Variants in AP5M1 observed in about 807,000 individuals in gnomAD.
AP5M1 encodes adaptor related protein complex 5 subunit mu 1, also known as AP-5 complex subunit mu-1.
AP5M1 carries 44 observed loss-of-function variants against 52.3 expected under a neutral mutation model. That is an observed-to-expected ratio of 0.84 (90% CI 0.66 to 1.08). The LOEUF is 1.08. Ranked by LOEUF, AP5M1 falls within the 50% of genes least tolerant of loss-of-function variation. AP5M1 has a pLI of 0.00. For missense variants in AP5M1, 526 were observed against 568.4 expected, an observed-to-expected ratio of 0.93 and a Z score of 0.76; for synonymous variants, 213 against 199.0, an observed-to-expected ratio of 1.07 and a Z score of -0.59.
At position 57,274,267 on chromosome 14, in the gene AP5M1, G is replaced by T; in HGVS notation, c.98G>T (p.Arg33Leu). Reference sequence around the variant, plus strand: ...AGACGGTATCCAACTGTTGAAAAACGAGCCAGAGTCTTCAATGGAGCAAGT... The same window carrying T: ...AGACGGTATCCAACTGTTGAAAAACTAGCCAGAGTCTTCAATGGAGCAAGT... ...FSRRYPTVEK[R>L]ARVFNGASYV... is the part of the protein sequence containing the mutation. Residue 33 changes from arginine to leucine, a missense_variant, in exon 2 of 8, where the codon CGA (arginine) becomes CTA (leucine). Arg to Leu is a moderately radical substitution (Grantham distance 102). Coordinates refer to ENST00000261558, the MANE Select transcript of AP5M1 (RefSeq NM_018229.4). 1.2e-6 allele frequency: 2 copies of T among 1,611,392 alleles called. No homozygotes were observed. The highest frequency in any genetic ancestry group is 1.7e-6 in the Non-Finnish European group (2 of 1,178,412).
chr14:57,269,363 C>T lies in AP5M1; in HGVS notation c.49C>T (p.Leu17Phe), dbSNP rs2139681198. The T allele has an allele frequency of 6.2e-7, 1 of 1,614,174 alleles. No individual in the cohort carries two copies. Among genetic ancestry groups the T allele is most frequent in the Non-Finnish European group, 8.5e-7 (1 of 1,180,016 alleles). The change falls in exon 1 of 8, where the codon CTT becomes TTT. Residue 17 changes from leucine to phenylalanine, a missense_variant. By Grantham distance (22) the Leu-to-Phe change is conservative. This residue lies in a region of AP5M1 where 425 missense variants were observed against 430.6 expected (regional missense o/e 0.99). Coordinates refer to ENST00000261558, the MANE Select transcript of AP5M1 (RefSeq NM_018229.4). ...CATAAGCCACGAACCGGGAACTCCA[C>T]TTTGTGGCACCGTGAGATTCTCCAG... ...WLISHEPGTP[L>F]CGTVRFSRRY...
rs1358871914 is a variant in AP5M1, at chr14:57,274,999, A to G, written c.720+110A>G. 4 of 1,289,280 alleles carry G rather than the reference A, an allele frequency of 3.1e-6. No homozygotes were observed. The South Asian group carries it at 5.1e-5, about 17-fold the overall frequency. The allele number at this position is 1,289,280 out of a possible 1,614,324, so 79.9% of individuals were successfully genotyped here. A position where few individuals can be genotyped will look rare whatever the true frequency, so the allele number is the denominator to read the frequency against. Reference sequence around the variant, plus strand: ...ATTTTTTATTTTCATCTTAAGCAGCAGTTTTTAAATGGGAGAGTCATGTAA... The same window carrying G: ...ATTTTTTATTTTCATCTTAAGCAGCGGTTTTTAAATGGGAGAGTCATGTAA... On this transcript the variant is annotated intron_variant, in intron 2 of 7. Transcript: ENST00000261558.
At chr14:57,280,157 C>T (rs1430680886) in intron 2 of AP5M1, 38 bp from the exon 3 acceptor site, 1 of 1,480,558 alleles carries the variant, frequency 6.8e-7, no homozygotes, top group Non-Finnish European at 9.4e-7. Flanking sequence ...ACATTTGCTT[C>T]TGAGATTTTG....
intron 3 of AP5M1, 52 bp downstream of exon 3, chr14:57,280,474 C>A: frequency 1.7e-6 from 2 of 1,187,540 alleles, no homozygotes; most frequent in Non-Finnish European, 2.5e-6. Flanking sequence ...TTCATAAATA[C>A]TATTGATAAG....
Position 57,282,121 on chromosome 14 carries a change from A to C in AP5M1, c.981A>C (p.Gln327His), listed in dbSNP as rs1594704713. 6.4e-7 allele frequency: 1 copy of C among 1,574,650 alleles called. No homozygotes were observed. Among genetic ancestry groups the C allele is most frequent in the East Asian group, 2.3e-5 (1 of 42,686 alleles). Residue 327 changes from glutamine (Q) to histidine (H), a missense_variant, in exon 4 of 8, where the codon CAA becomes CAC. This residue lies in a region of AP5M1 where 425 missense variants were observed against 430.6 expected (regional missense o/e 0.99). Transcript: ENST00000261558. The stretch of plus-strand genomic sequence containing the variant: ...TCCCACCAATTTTGGGTTTTTATCA[A>C]ATGAAGGAGGAAGAAGTACAACTAA... ...VPVPPILGFY[Q>H]MKEEEVQLRI...
rs1884971596 is a variant in AP5M1 at position 57,274,513 on chromosome 14, C to G, written c.344C>G (p.Thr115Ser). 3 of 1,614,082 alleles carry G rather than the reference C, an allele frequency of 1.9e-6. No individual in the cohort carries two copies. Among genetic ancestry groups the G allele is most frequent in the Admixed American group, 1.7e-5 (1 of 60,004 alleles). Residue 115 changes from threonine (T) to serine (S), a missense_variant, in exon 2 of 8, where the codon ACT becomes AGT. Transcript: ENST00000261558. Reference sequence around the variant, plus strand: ...GCTTGTGTTCCACTAGTTGAACAAACTCTGTCCCCTCGTCCGCCACTAATT... The same window carrying G: ...GCTTGTGTTCCACTAGTTGAACAAAGTCTGTCCCCTCGTCCGCCACTAATT... ...IYACVPLVEQ[T>S]LSPRPPLISV...
At chr14:57,272,793 G>A (rs1432120871) in intron 1 of AP5M1, among the ~76,000 whole-genome samples, 2 of 152,138 alleles carry the variant, frequency 1.3e-5, no homozygotes, top group African/African-American at 2.4e-5. Context: ...CATTACTGGT[G>A]TGCTACCTGA....
chr14:57,278,106 C>G (rs530498290), intron 2 of AP5M1, among the ~76,000 whole-genome samples: 3 of 152,114 alleles, frequency 2.0e-5, no homozygotes, highest in Non-Finnish European at 4.4e-5. Context: ...GATAGAGGTA[C>G]AAAGACCCTG....
chr14:57,277,550 T>A (rs957653033), intron 2 of AP5M1, among the ~76,000 whole-genome samples: 2 of 152,054 alleles, frequency 1.3e-5, no homozygotes, highest in Admixed American at 1.3e-4. Flanking sequence ...TTTGGCATAT[T>A]TATTATTAAT....
intron 1 of AP5M1, among the ~76,000 whole-genome samples, chr14:57,272,311 A>C (rs1025637485): frequency 1.3e-5 from 2 of 152,196 alleles, no homozygotes; most frequent in Non-Finnish European, 2.9e-5. Context: ...AGGCACTGAC[A>C]CTTTATAAGT....
intron 3 of AP5M1, 77 bp downstream of exon 3, chr14:57,280,499 T>G (rs988344351): frequency 2.1e-6 from 2 of 957,914 alleles, no homozygotes; most frequent in Admixed American, 4.4e-5. Flanking sequence ...TAATTCATAC[T>G]CTTGGTATGA....
intron 2 of AP5M1, 37 bp from the exon 3 acceptor site, chr14:57,280,158 T>G: frequency 3.0e-5 from 44 of 1,483,870 alleles, no homozygotes; most frequent in Non-Finnish European, 3.7e-5. Flanking sequence ...CATTTGCTTC[T>G]GAGATTTTGG....
At position 57,286,237 on chromosome 14, in the gene AP5M1, CTTAGA is replaced by C; in HGVS notation, c.1312_1316del (p.Asp438HisfsTer32). 6.2e-7 allele frequency: 1 copy of C among 1,607,648 alleles called. No homozygotes were observed. The highest frequency in any genetic ancestry group is 8.5e-7 in the Non-Finnish European group (1 of 1,175,230). On this transcript the variant is annotated frameshift_variant, in exon 7 of 8. Coordinates refer to ENST00000261558, the MANE Select transcript of AP5M1 (RefSeq NM_018229.4). LOFTEE classifies it high-confidence loss of function. ...CTTCTTTCTAGCTTCATTTTAGGATCTTAGATTACACACTTACTGGATGTTATGCA... is the reference window on the plus strand; with the variant it reads ...CTTCTTTCTAGCTTCATTTTAGGATCTTACACACTTACTGGATGTTATGCA...
At position 57,269,130 on chromosome 14, in the gene AP5M1, A is replaced by G. The variant is rs937091920; in HGVS notation, c.-185A>G. On this transcript the variant is annotated 5_prime_UTR_variant, in exon 1 of 8. Transcript: ENST00000261558. ...AACTTTTTGTGGTGTGTGTTGGCCT[A>G]GAGCGACTCAGAAGCGTTAGTGACT... 1.6e-6 allele frequency: 1 copy of G among 611,166 alleles called. No homozygotes were observed. 37.9% of individuals were successfully genotyped at this position (611,166 alleles called of 1,614,324 possible). A position where few individuals can be genotyped will look rare whatever the true frequency, so the allele number is the denominator to read the frequency against.
Position 57,291,665 on chromosome 14 carries a change from A to G in AP5M1, c.*2781A>G, listed in dbSNP as rs936234986. 18 of 151,704 alleles carry G rather than the reference A, an allele frequency of 1.2e-4. No individual in the cohort carries two copies. Among genetic ancestry groups the G allele is most frequent in the African/African-American group, 4.3e-4 (18 of 41,420 alleles). The allele number at this position is 151,704 out of a possible 1,614,324, so 9.4% of individuals were successfully genotyped here. On this transcript the variant is annotated 3_prime_UTR_variant, in exon 8 of 8. Transcript: ENST00000261558. ...TAGTCTGTCCCATAAAATCGTTTTC[A>G]TTTTTTTCACACCAATTCAGTATTT...
Position 57,285,296 on chromosome 14 carries a change from A to T in AP5M1, c.1294-927A>T, listed in dbSNP as rs139177737. Among the ~76,000 whole-genome samples the T allele has an allele frequency of 2.1e-3, 321 of 152,304 alleles. 2 individuals are homozygous for T. The highest frequency in any genetic ancestry group is 7.2e-3 in the African/African-American group (301 of 41,578). On this transcript the variant is annotated intron_variant, in intron 6 of 7. Coordinates refer to ENST00000261558, the MANE Select transcript of AP5M1 (RefSeq NM_018229.4). ...CTTTCAGAAAAAAATGTGGAATGTT[A>T]CCACACATTCTATGTCCTTCAAAAG...
intron 1 of AP5M1, among the ~76,000 whole-genome samples, chr14:57,270,212 T>G (rs1174899226): frequency 6.6e-6 from 1 of 152,206 alleles, no homozygotes; most frequent in African/African-American, 2.4e-5. Context: ...GTATTCACTA[T>G]TTCATATATT....
At chr14:57,278,974 CAAT>C (rs1378180588) in intron 2 of AP5M1, among the ~76,000 whole-genome samples, 2 of 152,116 alleles carry the variant, frequency 1.3e-5, no homozygotes, top group Non-Finnish European at 2.9e-5. Context: ...ATCAAAACCA[CAAT>C]GAGATACCAT....
chr14:57,293,555 G>C lies in AP5M1; in HGVS notation c.*4671G>C, dbSNP rs923615082. ...AGTTCCTAAACCACAGCAGAATTGC[G>C]GATCAGGAAAAATACAAGATAACGG... On this transcript the variant is annotated 3_prime_UTR_variant, in exon 8 of 8. Coordinates refer to ENST00000261558, the MANE Select transcript of AP5M1 (RefSeq NM_018229.4). 1.3e-5 allele frequency: 2 copies of C among 151,510 alleles called. No individual in the cohort carries two copies. Among genetic ancestry groups the C allele is most frequent in the African/African-American group, 4.8e-5 (2 of 41,300 alleles). The allele number at this position is 151,510 out of a possible 1,614,324, so 9.4% of individuals were successfully genotyped here.
Sources: allele counts gnomAD v4.1 joint callset (sites outside exome capture counted in the v4.1 genomes callset), GRCh38; gene constraint gnomAD v4.1.1; regional missense constraint gnomAD v4.1.1; transcripts MANE v1.5; gene names NCBI Gene and HGNC (gene_info 2026-07-23, HGNC 2026-07-21).